The following AKAP13 variants were observed in gnomAD, a reference collection of about 807,000 sequenced individuals.
AKAP13 encodes A-kinase anchoring protein 13.
In AKAP13, 80 loss-of-function variants were observed where a neutral mutation model predicts 264.5. The ratio of observed to expected loss-of-function variants is 0.30; its 90% confidence interval spans 0.25 to 0.36. The LOEUF is 0.36. AKAP13 is among the 10% of genes least tolerant of loss of function. The pLI, the probability that AKAP13 is intolerant of heterozygous loss-of-function variation, is 1.00. For missense variants in AKAP13, 3,712 were observed against 3,435.2 expected (o/e 1.08, Z -2.01); for synonymous variants, 1,380 against 1,250.2 (o/e 1.10, Z -2.19).
chr15:85,676,033 T>C (rs1037685490), intron 14 of AKAP13, among the ~76,000 whole-genome samples: 1 of 152,032 alleles, frequency 6.6e-6, no homozygotes, highest in Non-Finnish European at 1.5e-5. Context: ...TGCCTCAGCC[T>C]CCTGAGTAGC....
At chr15:85,475,036 C>G (rs769419369) in intron 1 of AKAP13, among the ~76,000 whole-genome samples, 1 of 152,104 alleles carries the variant, frequency 6.6e-6, no homozygotes, top group South Asian at 2.1e-4. Flanking sequence ...GAGAGCCTAC[C>G]TGCCTATATT....
chr15:85,711,102 A>T (rs1380522424), intron 19 of AKAP13, among the ~76,000 whole-genome samples: 1 of 150,904 alleles, frequency 6.6e-6, no homozygotes, highest in East Asian at 1.9e-4. Context: ...TGCAACCTCC[A>T]CCTCCCTGGT....
At chr15:85,477,751 G>A (rs2075220643) in intron 1 of AKAP13, among the ~76,000 whole-genome samples, 1 of 151,206 alleles carries the variant, frequency 6.6e-6, no homozygotes, top group South Asian at 2.1e-4. Flanking sequence ...CTTGTATAAT[G>A]GCTGAGATTT....
chr15:85,548,668 TA>T (rs1203121858), intron 5 of AKAP13, among the ~76,000 whole-genome samples: 2 of 152,162 alleles, frequency 1.3e-5, no homozygotes, highest in African/African-American at 4.8e-5. Context: ...ATATTAATAA[TA>T]ATAATGACAT....
intron 8 of AKAP13, chr15:85,620,182 G>A (rs997936845): frequency 4.6e-6 from 7 of 1,535,688 alleles, no homozygotes; most frequent in East Asian, 2.4e-5. Context: ...GGTAAGGGGG[G>A]CTGCACCTCA....
chr15:85,555,842 CT>C (rs920442772), intron 5 of AKAP13, among the ~76,000 whole-genome samples: 2 of 152,132 alleles, frequency 1.3e-5, no homozygotes, highest in African/African-American at 4.8e-5. Context: ...ACTGTGGACA[CT>C]TGGTTTGGAT....
At chr15:85,716,629 T>C (rs1379881788) in intron 20 of AKAP13, among the ~76,000 whole-genome samples, 4 of 152,262 alleles carry the variant, frequency 2.6e-5, no homozygotes, top group African/African-American at 9.6e-5. Flanking sequence ...AAAAGTCTCC[T>C]TTTGTTTGTA....
chr15:85,747,209 T>G lies in AKAP13; in HGVS notation c.*2532T>G, dbSNP rs1464171617. On this transcript the variant is annotated 3_prime_UTR_variant, in exon 37 of 37. Transcript: ENST00000394518. Reference sequence around the variant, plus strand: ...AGCAACAGAACCGCTTACCAAGAACTGTGCTTACATACCTTTGTCATCTCT... The same window carrying G: ...AGCAACAGAACCGCTTACCAAGAACGGTGCTTACATACCTTTGTCATCTCT... The G allele has an allele frequency of 6.6e-6, 1 of 152,240 alleles. No homozygotes were observed. The highest frequency in any genetic ancestry group is 1.5e-5 in the Non-Finnish European group (1 of 68,054). The allele number at this position is 152,240 out of a possible 1,614,324, so 9.4% of individuals were successfully genotyped here.
chr15:85,735,714 T>A (rs2088421216), intron 32 of AKAP13, 84 bp downstream of exon 32: 2 of 1,310,808 alleles, frequency 1.5e-6, no homozygotes, highest in Non-Finnish European at 2.1e-6. Flanking sequence ...ACTTTGATGT[T>A]GTTTTCGATG....
chr15:85,740,238 T>G lies in AKAP13; in HGVS notation c.7574T>G (p.Val2525Gly). 2 of 1,614,220 alleles carry G rather than the reference T, an allele frequency of 1.2e-6. No homozygotes were observed. Among genetic ancestry groups the G allele is most frequent in the Non-Finnish European group, 1.7e-6 (2 of 1,180,020 alleles). The part of the protein sequence containing the change: ...KRNSEQVVQS[V>G]VHLYELLSAL... ...CTTTGGCAGCAGGTTGTCCAGAGCG[T>G]TGTTCATCTCTACGAGCTCCTCAGC... Residue 2525 changes from valine to glycine, a missense_variant, in exon 34 of 37, where the codon GTT becomes GGT. Val to Gly is a moderately radical substitution (Grantham distance 109, BLOSUM62 -3). Around this residue, in one of 3 missense-constraint regions of AKAP13, gnomAD observed 611 missense variants for 539.3 expected, o/e 1.13. Coordinates refer to ENST00000394518, the MANE Select transcript of AKAP13 (RefSeq NM_007200.5).
intron 12 of AKAP13, chr15:85,662,592 G>A: frequency 1.1e-6 from 1 of 938,482 alleles, no homozygotes; most frequent in Non-Finnish European, 1.7e-6. Flanking sequence ...GCATTTCATT[G>A]CCTTTGCTAT....
intron 10 of AKAP13, among the ~76,000 whole-genome samples, chr15:85,654,511 A>C (rs941921316): frequency 3.9e-5 from 6 of 152,168 alleles, no homozygotes; most frequent in African/African-American, 1.4e-4. Flanking sequence ...GAACTAACAT[A>C]AATTTGATAT....
chr15:85,445,295 G>C (rs539961822), intron 1 of AKAP13, among the ~76,000 whole-genome samples: 1 of 152,282 alleles, frequency 6.6e-6, no homozygotes, highest in South Asian at 2.1e-4. Context: ...ACTGAAAGGG[G>C]CTTCATCTCT....
intron 2 of AKAP13, among the ~76,000 whole-genome samples, chr15:85,510,643 C>T (rs1311377628): frequency 6.6e-6 from 1 of 152,130 alleles, no homozygotes; most frequent in Non-Finnish European, 1.5e-5. Flanking sequence ...TAGGTTTCCA[C>T]CTGATTATCA....
chr15:85,595,694 T>C (rs1390448358), intron 8 of AKAP13, among the ~76,000 whole-genome samples: 2 of 152,228 alleles, frequency 1.3e-5, no homozygotes, highest in Non-Finnish European at 2.9e-5. Flanking sequence ...GCCATTGATA[T>C]GCTTTCCAGC....
At chr15:85,421,056 G>T (rs2072497907) in intron 1 of AKAP13, among the ~76,000 whole-genome samples, 1 of 152,224 alleles carries the variant, frequency 6.6e-6, no homozygotes, top group African/African-American at 2.4e-5. Context: ...ATAGATGGAT[G>T]ATGACTTAGA....
At chr15:85,720,077 T>G (rs1199323049) in intron 23 of AKAP13, among the ~76,000 whole-genome samples, 1 of 151,770 alleles carries the variant, frequency 6.6e-6, no homozygotes, top group Non-Finnish European at 1.5e-5. Flanking sequence ...CAAAAAAAAG[T>G]GAAAAAATGA....
chr15:85,588,900 C>G (rs541936886), intron 8 of AKAP13, among the ~76,000 whole-genome samples: 2 of 152,302 alleles, frequency 1.3e-5, no homozygotes, highest in South Asian at 4.1e-4. Flanking sequence ...AGCCTGAGAA[C>G]CATGTAATTT....
At position 85,543,912 on chromosome 15, in the gene AKAP13, G is replaced by A. The variant is rs747893582; in HGVS notation, c.619G>A (p.Ala207Thr). The change falls in exon 5 of 37, where the codon GCC (alanine) becomes ACC (threonine). Residue 207 changes from alanine to threonine, a missense_variant. Coordinates refer to ENST00000394518, the MANE Select transcript of AKAP13 (RefSeq NM_007200.5). ...NQEGATPVSLALERGYHKLHQ... is the reference protein window; with the variant it reads ...NQEGATPVSLTLERGYHKLHQ... ...GGAAGGGGCGACGCCTGTGAGCTTG[G>A]CCTTGGAGCGAGGCTATCACAAGCT... 4.3e-6 allele frequency: 7 copies of A among 1,613,928 alleles called. No individual in the cohort carries two copies. The highest frequency in any genetic ancestry group is 5.9e-6 in the Non-Finnish European group (7 of 1,179,892).
Sources: allele counts gnomAD v4.1 joint callset (sites outside exome capture counted in the v4.1 genomes callset), GRCh38; gene constraint gnomAD v4.1.1; regional missense constraint gnomAD v4.1.1; transcripts MANE v1.5; gene names NCBI Gene and HGNC (gene_info 2026-07-23, HGNC 2026-07-21).